ERC2: variants seen among roughly 807,000 people sequenced by gnomAD.
The protein encoded by ERC2 is ELKS/RAB6-interacting/CAST family member 2, also known as ERC protein 2.
A neutral mutation model predicts 114.8 loss-of-function variants in ERC2; 42 were observed. That is an observed-to-expected ratio of 0.37 (90% CI 0.29 to 0.47). The LOEUF (loss-of-function observed/expected upper bound fraction) is 0.47, where lower values mean the gene tolerates loss of function less well. ERC2 is among the 20% of genes least tolerant of loss of function. ERC2 has a pLI of 0.99. For missense variants in ERC2, 939 were observed against 1,150.7 expected (o/e 0.82, Z 2.66); for synonymous variants, 454 against 425.5 (o/e 1.07, Z -0.82).
chr3:55,877,502 A>C (rs28649471), intron 14 of ERC2, among the ~76,000 whole-genome samples: 5 of 145,996 alleles, frequency 3.4e-5, no homozygotes, highest in African/African-American at 1.3e-4. Flanking sequence ...TCTTTTTTTA[A>C]TTTTTATTTT....
intron 17 of ERC2, among the ~76,000 whole-genome samples, chr3:55,623,725 T>C (rs946511323): frequency 6.6e-6 from 1 of 152,170 alleles, no homozygotes; most frequent in African/African-American, 2.4e-5. Flanking sequence ...TAGCTTAGAC[T>C]GAGCAGTCCA....
intron 17 of ERC2, among the ~76,000 whole-genome samples, chr3:55,627,533 T>A (rs571118390): frequency 6.6e-6 from 1 of 152,234 alleles, no homozygotes; most frequent in East Asian, 1.9e-4. Context: ...TAACAATCAT[T>A]TTTAGCAGAG....
intron 6 of ERC2, among the ~76,000 whole-genome samples, chr3:56,113,757 C>T (rs2079085481): frequency 6.6e-6 from 1 of 152,118 alleles, no homozygotes; most frequent in African/African-American, 2.4e-5. Flanking sequence ...CTTCAGATGC[C>T]AATTGCATGT....
chr3:55,565,334 C>G (rs1157715569), intron 17 of ERC2, among the ~76,000 whole-genome samples: 1 of 151,868 alleles, frequency 6.6e-6, no homozygotes, highest in Non-Finnish European at 1.5e-5. Flanking sequence ...TAATAATAAC[C>G]AGATAGCTGT....
intron 2 of ERC2, among the ~76,000 whole-genome samples, chr3:56,311,251 C>G (rs368502224): frequency 1.4e-4 from 6 of 42,776 alleles, no homozygotes; most frequent in Non-Finnish European, 1.0e-4. Flanking sequence ...CTCTCTCTCT[C>G]TCTCTATATA....
Position 56,223,758 on chromosome 3 carries a change from C to T in ERC2, c.1075-50238G>A, listed in dbSNP as rs528639528. On this transcript the variant is annotated intron_variant, in intron 3 of 17. Transcript: ENST00000288221. The stretch of plus-strand genomic sequence containing the variant: ...GGGGGCCAACATTTTATCTTAGGAT[C>T]CTTATTCTCTGAGTGACTATTTCTA... 2.0e-5 allele frequency among the ~76,000 whole-genome samples: 3 copies of T among 152,214 alleles called. 1 individual carries two copies. Among genetic ancestry groups the T allele is most frequent in the South Asian group, 4.1e-4 (2 of 4,820 alleles).
At chr3:56,462,044 A>G (rs1035971372) in intron 1 of ERC2, among the ~76,000 whole-genome samples, 1 of 152,156 alleles carries the variant, frequency 6.6e-6, no homozygotes, top group Non-Finnish European at 1.5e-5. Context: ...GCACCTTCTG[A>G]CCTTACCCTT....
At chr3:55,655,018 G>T (rs2060796079) in intron 17 of ERC2, among the ~76,000 whole-genome samples, 2 of 152,196 alleles carry the variant, frequency 1.3e-5, no homozygotes, top group Non-Finnish European at 1.5e-5. Flanking sequence ...ATACAGGCCT[G>T]TGGCAGGTGA....
chr3:55,824,053 C>T (rs2149163873), intron 14 of ERC2, among the ~76,000 whole-genome samples: 1 of 152,270 alleles, frequency 6.6e-6, no homozygotes, highest in South Asian at 2.1e-4. Context: ...AACCCTGCTA[C>T]CTCTATGCAT....
chr3:55,806,263 A>T (rs1352772248), intron 14 of ERC2, among the ~76,000 whole-genome samples: 1 of 150,976 alleles, frequency 6.6e-6, no homozygotes, highest in African/African-American at 2.4e-5. Context: ...TGAACCCAGG[A>T]GGCAGAGGTT....
intron 2 of ERC2, among the ~76,000 whole-genome samples, chr3:56,338,607 G>A (rs2057959391): frequency 1.4e-5 from 1 of 72,240 alleles, no homozygotes; most frequent in African/African-American, 5.1e-5. Flanking sequence ...TGAAAACAAA[G>A]AAGAGTGAGT....
At chr3:55,855,384 C>T (rs1375558231) in intron 14 of ERC2, among the ~76,000 whole-genome samples, 3 of 152,226 alleles carry the variant, frequency 2.0e-5, no homozygotes, top group Non-Finnish European at 2.9e-5. Flanking sequence ...ATTTACAACG[C>T]TGTTCACTTA....
rs2075095681 is a variant in ERC2 at position 56,040,595 on chromosome 3, CTATAT to C, written c.1642-21569_1642-21565del. Among the ~76,000 whole-genome samples, 9 of 5,682 alleles carry C rather than the reference CTATAT, an allele frequency of 1.6e-3. 1 individual carries two copies. Among genetic ancestry groups the C allele is most frequent in the African/African-American group, 9.5e-3 (9 of 948 alleles). 3.7% of individuals were successfully genotyped at this position (5,682 alleles called of 152,430 possible). A position where few individuals can be genotyped will look rare whatever the true frequency, so the allele number is the denominator to read the frequency against. ...TATATGTATACATATACATATATAT[CTATAT>C]ATGTATATATAATATATAGATGTAT... On this transcript the variant is annotated intron_variant, in intron 7 of 17. Coordinates refer to ENST00000288221, the MANE Select transcript of ERC2 (RefSeq NM_015576.3).
At chr3:55,740,501 C>T (rs1262437395) in intron 14 of ERC2, among the ~76,000 whole-genome samples, 2 of 149,710 alleles carry the variant, frequency 1.3e-5, no homozygotes, top group Non-Finnish European at 3.0e-5. Flanking sequence ...TGATATTTTC[C>T]CCAAAAATAC....
At chr3:55,723,974 T>C (rs2148893071) in intron 15 of ERC2, among the ~76,000 whole-genome samples, 1 of 152,128 alleles carries the variant, frequency 6.6e-6, no homozygotes, top group Admixed American at 6.5e-5. Flanking sequence ...GACTTTTAAT[T>C]ATATGATGAG....
chr3:56,125,305 T>C (rs2079808637), intron 6 of ERC2, among the ~76,000 whole-genome samples: 2 of 152,174 alleles, frequency 1.3e-5, no homozygotes, highest in South Asian at 4.1e-4. Flanking sequence ...CACGGAAGAC[T>C]CCAAGCAGGC....
intron 2 of ERC2, among the ~76,000 whole-genome samples, chr3:56,343,236 CACAA>C (rs1442999457): frequency 8.0e-5 from 8 of 99,840 alleles, no homozygotes; most frequent in Non-Finnish European, 1.8e-4. Flanking sequence ...TACACACATA[CACAA>C]ACACACACAC....
intron 14 of ERC2, among the ~76,000 whole-genome samples, chr3:55,751,055 T>C (rs1037627265): frequency 1.3e-5 from 2 of 152,242 alleles, no homozygotes; most frequent in African/African-American, 2.4e-5. Flanking sequence ...GATTGGTCCA[T>C]GACTTCCACG....
At chr3:55,923,057 G>T (rs1396372559) in intron 13 of ERC2, among the ~76,000 whole-genome samples, 3 of 152,078 alleles carry the variant, frequency 2.0e-5, no homozygotes, top group Non-Finnish European at 2.9e-5. Context: ...TAAAAGCAGG[G>T]ACTTGAACAG....
Sources: gnomAD v4.1 joint callset for allele counts (sites outside exome capture counted in the v4.1 genomes callset) on GRCh38, gnomAD v4.1.1 for gene constraint, MANE v1.5 for transcripts, NCBI Gene and HGNC (gene_info 2026-07-23, HGNC 2026-07-21) for gene names.